The following CDH8 variants were observed in gnomAD, a reference collection of about 807,000 sequenced individuals.
CDH8 encodes cadherin 8, also known as cadherin-8.
Under a neutral mutation model 68.1 loss-of-function variants are expected in CDH8, and 17 were observed. The ratio of observed to expected loss-of-function variants is 0.25; its 90% CI spans 0.17 to 0.37. The LOEUF (loss-of-function observed/expected upper bound fraction) is 0.37. Ranked by LOEUF, CDH8 falls within the 10% of genes least tolerant of loss-of-function variation. CDH8 has a pLI of 1.00. For missense variants in CDH8, 763 were observed against 999.3 expected, an observed-to-expected ratio of 0.76 and a Z score of 3.19; for synonymous variants, 372 against 365.1, an observed-to-expected ratio of 1.02 and a Z score of -0.21.
intron 8 of CDH8, among the ~76,000 whole-genome samples, chr16:61,782,468 C>T (rs1961097704): frequency 6.6e-6 from 1 of 152,080 alleles, no homozygotes; most frequent in Non-Finnish European, 1.5e-5. Context: ...ATTGCTAGCA[C>T]AGCAGTCTGA....
At position 62,014,597 on chromosome 16, in the gene CDH8, T is replaced by C. The variant is rs142302988; in HGVS notation, c.252+6555A>G. Among the ~76,000 whole-genome samples the C allele has an allele frequency of 8.5e-4, 130 of 152,308 alleles. 1 individual carries two copies. Among genetic ancestry groups the C allele is most frequent in the African/African-American group, 3.0e-3 (126 of 41,572 alleles). ...ATTTTCTCACCCGTCGCAGACACCG[T>C]AAACTGTAATATAGTGTAATTATTT... On this transcript the variant is annotated intron_variant, in intron 2 of 11. Coordinates refer to ENST00000577390, the MANE Select transcript of CDH8 (RefSeq NM_001796.5).
chr16:61,817,745 G>T lies in CDH8; in HGVS notation c.1024-13C>A, dbSNP rs768654356. 6.5e-7 allele frequency: 1 copy of T among 1,541,696 alleles called. No individual in the cohort carries two copies. Among genetic ancestry groups the T allele is most frequent in the Non-Finnish European group, 8.7e-7 (1 of 1,148,038 alleles). On this transcript the variant is annotated splice_polypyrimidine_tract_variant and intron_variant, in intron 6 of 11. Transcript: ENST00000577390. ...CAAAGTCCAGAGGCTGTTAAGAAATGACAAAGATAAATGCTTCTCACTAAT... is the reference window on the plus strand; with the variant it reads ...CAAAGTCCAGAGGCTGTTAAGAAATTACAAAGATAAATGCTTCTCACTAAT...
chr16:61,945,919 G>T (rs1252253132), intron 2 of CDH8, among the ~76,000 whole-genome samples: 5 of 152,148 alleles, frequency 3.3e-5, no homozygotes, highest in Admixed American at 1.3e-4. Flanking sequence ...GCTGTAGAAT[G>T]AATGGCTGTA....
intron 7 of CDH8, among the ~76,000 whole-genome samples, chr16:61,790,849 T>A (rs1961361492): frequency 6.6e-6 from 1 of 151,930 alleles, no homozygotes. Flanking sequence ...TACAGCAAGT[T>A]ACTAGTTAGA....
At chr16:61,952,485 A>G (rs2143593505) in intron 2 of CDH8, among the ~76,000 whole-genome samples, 1 of 152,326 alleles carries the variant, frequency 6.6e-6, no homozygotes, top group East Asian at 1.9e-4. Flanking sequence ...AATGAAGTAA[A>G]CATGTAAAAG....
chr16:61,949,875 A>G (rs559657336), intron 2 of CDH8, among the ~76,000 whole-genome samples: 1 of 151,760 alleles, frequency 6.6e-6, no homozygotes, highest in Middle Eastern at 3.4e-3. Context: ...TGTAGTCCCA[A>G]CTCTCAGGGG....
At chr16:62,000,740 G>A (rs1237424347) in intron 2 of CDH8, among the ~76,000 whole-genome samples, 1 of 152,080 alleles carries the variant, frequency 6.6e-6, no homozygotes, top group Non-Finnish European at 1.5e-5. Flanking sequence ...ATTTCACTGA[G>A]CTGTTTCTTA....
chr16:61,714,048 G>C, intron 9 of CDH8, 90 bp from the exon 10 acceptor site: 1 of 813,058 alleles, frequency 1.2e-6, no homozygotes, highest in Admixed American at 2.0e-5. Flanking sequence ...TTTGTGGTCT[G>C]ATACTTTGGC....
At chr16:61,913,815 T>C (rs1408419171) in intron 2 of CDH8, among the ~76,000 whole-genome samples, 1 of 152,130 alleles carries the variant, frequency 6.6e-6, no homozygotes, top group African/African-American at 2.4e-5. Context: ...ATAATAATAT[T>C]AATATTTTAT....
chr16:61,962,157 A>AGAG (rs750665758), intron 2 of CDH8, among the ~76,000 whole-genome samples: 4 of 152,048 alleles, frequency 2.6e-5, no homozygotes, highest in African/African-American at 4.8e-5. Flanking sequence ...GAGTAGCTGA[A>AGAG]GAGGAGGAGG....
At chr16:61,847,339 A>C (rs574221774) in intron 4 of CDH8, among the ~76,000 whole-genome samples, 3 of 151,954 alleles carry the variant, frequency 2.0e-5, no homozygotes, top group Non-Finnish European at 2.9e-5. Flanking sequence ...TTATGGCCTC[A>C]TGTTTTAGTC....
At chr16:61,822,700 G>T (rs144083609) in intron 5 of CDH8, among the ~76,000 whole-genome samples, 28 of 151,982 alleles carry the variant, frequency 1.8e-4, no homozygotes, top group African/African-American at 6.5e-4. Context: ...AAGTCTCCCA[G>T]TTTTCTCATA....
intron 2 of CDH8, among the ~76,000 whole-genome samples, chr16:61,909,486 C>T (rs1221778876): frequency 1.3e-5 from 2 of 152,188 alleles, no homozygotes; most frequent in Non-Finnish European, 2.9e-5. Flanking sequence ...CAATACCCTA[C>T]ACCTTGTCGG....
At chr16:61,994,076 G>A (rs1180728980) in intron 2 of CDH8, among the ~76,000 whole-genome samples, 1 of 152,158 alleles carries the variant, frequency 6.6e-6, no homozygotes, top group Non-Finnish European at 1.5e-5. Context: ...TGGCTGGGAA[G>A]TAAATAGCGA....
chr16:61,718,900 T>C (rs947608905), intron 9 of CDH8, among the ~76,000 whole-genome samples: 3 of 151,216 alleles, frequency 2.0e-5, no homozygotes, highest in Admixed American at 6.6e-5. Context: ...AATCAAGTTA[T>C]AACAATTATG....
intron 2 of CDH8, among the ~76,000 whole-genome samples, chr16:61,998,123 C>T (rs143294649): frequency 6.6e-6 from 1 of 151,986 alleles, no homozygotes; most frequent in African/African-American, 2.4e-5. Context: ...AAAAAATATC[C>T]CCAACTTGCT....
intron 4 of CDH8, among the ~76,000 whole-genome samples, chr16:61,828,593 A>C (rs1359582768): frequency 1.3e-5 from 2 of 151,760 alleles, no homozygotes; most frequent in Non-Finnish European, 2.9e-5. Flanking sequence ...ATTGTTGAAA[A>C]TCTCAGAAAA....
intron 3 of CDH8, among the ~76,000 whole-genome samples, chr16:61,875,491 G>T (rs181239232): frequency 6.6e-6 from 1 of 152,212 alleles, no homozygotes; most frequent in Non-Finnish European, 1.5e-5. Flanking sequence ...GCAGGAACGG[G>T]ACTATTATAT....
chr16:61,926,152 G>GGT (rs61028306), intron 2 of CDH8, among the ~76,000 whole-genome samples: 17,332 of 142,078 alleles, frequency 0.12, 1,022 homozygotes, highest in African/African-American at 0.14. Flanking sequence ...ACTCAGAAGG[G>GGT]GTGTGTGTGT....
Sources: gnomAD v4.1 joint callset for allele counts (sites outside exome capture counted in the v4.1 genomes callset) on GRCh38, gnomAD v4.1.1 for gene constraint, MANE v1.5 for transcripts, NCBI Gene and HGNC (gene_info 2026-07-23, HGNC 2026-07-21) for gene names.